The following TRPM3 variants were observed in gnomAD, a reference collection of about 807,000 sequenced individuals.
TRPM3 encodes transient receptor potential cation channel subfamily M member 3.
In TRPM3, 77 loss-of-function variants were observed where a neutral mutation model predicts 181.2. That is an observed-to-expected ratio of 0.42 (90% confidence interval 0.35 to 0.51). The LOEUF is 0.51. Among genes scored for constraint, TRPM3 ranks in the 20% least tolerant of loss-of-function variants. TRPM3 has a pLI of 0.01. For synonymous variants in TRPM3, 745 were observed against 796.4 expected, an observed-to-expected ratio of 0.94 and a Z score of 1.09; for missense variants, 1,759 against 2,196.7, an observed-to-expected ratio of 0.80 and a Z score of 3.98.
At chr9:70,997,200 CTTTT>C (rs967943497) in intron 1 of TRPM3, among the ~76,000 whole-genome samples, 1 of 151,422 alleles carries the variant, frequency 6.6e-6, no homozygotes, top group Non-Finnish European at 1.5e-5. Flanking sequence ...TATCTTAATA[CTTTT>C]TTTTTGTTTT....
At chr9:70,610,391 A>G (rs17080893) in intron 19 of TRPM3, among the ~76,000 whole-genome samples, 5,048 of 152,206 alleles carry the variant, frequency 0.033, 93 homozygotes, top group African/African-American at 0.047. Context: ...CACCTCCACC[A>G]TTTCCTTTAT....
intron 6 of TRPM3, among the ~76,000 whole-genome samples, chr9:70,803,300 T>C (rs13291127): frequency 0.13 from 20,134 of 152,046 alleles, 1,584 homozygotes; most frequent in South Asian, 0.28. Flanking sequence ...GGAAATACAC[T>C]CTTCACTTTG....
intron 9 of TRPM3, among the ~76,000 whole-genome samples, chr9:70,679,566 G>A (rs1556958): frequency 6.6e-6 from 1 of 151,456 alleles, no homozygotes; most frequent in African/African-American, 2.4e-5. Flanking sequence ...AAAGGGATGC[G>A]TTTTTTATCT....
chr9:70,954,163 T>C (rs1442062935), intron 1 of TRPM3, among the ~76,000 whole-genome samples: 1 of 152,172 alleles, frequency 6.6e-6, no homozygotes, highest in Admixed American at 6.5e-5. Context: ...ACTTCTCTAG[T>C]GTTCTGTGAG....
At chr9:71,299,779 G>A (rs1288834645) in intron 1 of TRPM3, among the ~76,000 whole-genome samples, 1 of 151,922 alleles carries the variant, frequency 6.6e-6, no homozygotes, top group Non-Finnish European at 1.5e-5. Context: ...ATGGCCTTGT[G>A]CACATTTATA....
chr9:71,016,393 G>C (rs1487185531), intron 1 of TRPM3, among the ~76,000 whole-genome samples: 1 of 151,874 alleles, frequency 6.6e-6, no homozygotes, highest in African/African-American at 2.4e-5. Flanking sequence ...ATCTCCCTAA[G>C]TAAAATCATG....
At chr9:71,325,064 T>C (rs185835178) in intron 1 of TRPM3, among the ~76,000 whole-genome samples, 1 of 152,202 alleles carries the variant, frequency 6.6e-6, no homozygotes, top group East Asian at 1.9e-4. Context: ...CAAAAATCTA[T>C]TGTACTCAGG....
At chr9:70,945,499 A>T (rs947426963) in intron 1 of TRPM3, among the ~76,000 whole-genome samples, 1 of 152,194 alleles carries the variant, frequency 6.6e-6, no homozygotes, top group Non-Finnish European at 1.5e-5. Flanking sequence ...GTGATGACTC[A>T]ATGTAATCAT....
intron 22 of TRPM3, among the ~76,000 whole-genome samples, chr9:70,567,828 T>C (rs2051042422): frequency 6.6e-6 from 1 of 152,230 alleles, no homozygotes; most frequent in Non-Finnish European, 1.5e-5. Context: ...AAAAGAATGT[T>C]CTGTCTTCCT....
chr9:71,421,428 C>T (rs1053372615), intron 1 of TRPM3, among the ~76,000 whole-genome samples: 3 of 151,776 alleles, frequency 2.0e-5, no homozygotes, highest in Non-Finnish European at 4.4e-5. Context: ...AAAGGCAGAA[C>T]ATAAATTTAC....
chr9:70,836,172 G>T (rs1405770829), intron 5 of TRPM3, among the ~76,000 whole-genome samples: 1 of 152,110 alleles, frequency 6.6e-6, no homozygotes, highest in Non-Finnish European at 1.5e-5. Flanking sequence ...CTCCTTCAGT[G>T]ACAAGTGTAC....
At chr9:71,336,768 G>A (rs1214547296) in intron 1 of TRPM3, among the ~76,000 whole-genome samples, 1 of 152,084 alleles carries the variant, frequency 6.6e-6, no homozygotes, top group African/African-American at 2.4e-5. Flanking sequence ...TAGACCAATG[G>A]AACAGAACAG....
At chr9:71,190,707 C>T (rs919509290) in intron 1 of TRPM3, among the ~76,000 whole-genome samples, 1 of 151,856 alleles carries the variant, frequency 6.6e-6, no homozygotes, top group African/African-American at 2.4e-5. Context: ...AAACAGAAAA[C>T]TATGATACAA....
intron 5 of TRPM3, among the ~76,000 whole-genome samples, chr9:70,832,202 T>G: frequency 6.9e-6 from 1 of 145,034 alleles, no homozygotes; most frequent in Admixed American, 6.9e-5. Context: ...AGATGACGAG[T>G]TAGTGGGTGC....
chr9:70,669,042 G>A (rs1049517938), intron 9 of TRPM3, among the ~76,000 whole-genome samples: 2 of 152,184 alleles, frequency 1.3e-5, no homozygotes, highest in African/African-American at 2.4e-5. Flanking sequence ...AACACAATGA[G>A]CTCTGATTCT....
At chr9:70,965,537 A>G (rs1163584255) in intron 1 of TRPM3, among the ~76,000 whole-genome samples, 1 of 152,024 alleles carries the variant, frequency 6.6e-6, no homozygotes, top group Non-Finnish European at 1.5e-5. Flanking sequence ...TGAGACAACC[A>G]TGTGGTTTTT....
At chr9:70,787,210 A>G (rs1368067241) in intron 6 of TRPM3, among the ~76,000 whole-genome samples, 1 of 152,214 alleles carries the variant, frequency 6.6e-6, no homozygotes, top group Non-Finnish European at 1.5e-5. Flanking sequence ...ACTGAAACTA[A>G]TTACCAATTA....
At chr9:70,556,359 C>A (rs1004400592) in intron 22 of TRPM3, among the ~76,000 whole-genome samples, 9 of 151,988 alleles carry the variant, frequency 5.9e-5, no homozygotes, top group African/African-American at 2.2e-4. Context: ...CAGCCTCCCC[C>A]ACCTTTTACT....
intron 1 of TRPM3, among the ~76,000 whole-genome samples, chr9:70,944,384 C>A (rs374872294): frequency 6.6e-6 from 1 of 152,154 alleles, no homozygotes; most frequent in African/African-American, 2.4e-5. Flanking sequence ...TGGGTTCAAC[C>A]GCTTTAGACA....
Sources: gnomAD v4.1 joint callset for allele counts (sites outside exome capture counted in the v4.1 genomes callset) on GRCh38, gnomAD v4.1.1 for gene constraint, MANE v1.5 for transcripts, NCBI Gene and HGNC (gene_info 2026-07-23, HGNC 2026-07-21) for gene names.